Variants in ADGRL2 observed in about 807,000 individuals in gnomAD.
ADGRL2 encodes the protein adhesion G protein-coupled receptor L2.
ADGRL2 carries 44 observed loss-of-function variants against 157.4 expected under a neutral mutation model. The ratio of observed to expected loss-of-function variants is 0.28; its 90% confidence interval spans 0.22 to 0.36. ADGRL2 has a LOEUF of 0.36. ADGRL2 is among the 10% of genes least tolerant of loss of function. The pLI is 1.00. For missense variants in ADGRL2, 1,510 were observed against 1,768.9 expected (o/e 0.85, Z 2.63); for synonymous variants, 585 against 624.7 (o/e 0.94, Z 0.95).
chr1:81,499,714 A>C (rs941461716), intron 2 of ADGRL2, among the ~76,000 whole-genome samples: 1 of 152,186 alleles, frequency 6.6e-6, no homozygotes, highest in Non-Finnish European at 1.5e-5. Flanking sequence ...GCCCCAAAAC[A>C]AAAGCTTACC....
intron 1 of ADGRL2, among the ~76,000 whole-genome samples, chr1:81,747,064 GTGTATATA>G (rs1163242608): frequency 1.4e-5 from 2 of 145,576 alleles, no homozygotes; most frequent in African/African-American, 5.0e-5. Context: ...ATATACACAT[GTGTATATA>G]TGTATATATG....
At chr1:81,512,275 T>G (rs2079093719) in intron 2 of ADGRL2, among the ~76,000 whole-genome samples, 1 of 118,992 alleles carries the variant, frequency 8.4e-6, no homozygotes, top group Non-Finnish European at 1.5e-5. Context: ...AGGGAGACTA[T>G]GTGATGCAAA....
intron 8 of ADGRL2, 80 bp from the exon 9 acceptor site, chr1:81,951,877 C>T (rs1433119513): frequency 8.7e-7 from 1 of 1,149,454 alleles, no homozygotes; most frequent in Non-Finnish European, 1.2e-6. Flanking sequence ...TTTTTCACCA[C>T]AATAAAGATA....
chr1:81,452,781 T>C (rs2077726389), intron 2 of ADGRL2, among the ~76,000 whole-genome samples: 1 of 152,126 alleles, frequency 6.6e-6, no homozygotes, highest in Admixed American at 6.6e-5. Flanking sequence ...ATCAGTCGAG[T>C]AGGTTTTGCA....
At chr1:81,912,914 G>C (rs1008230869) in intron 3 of ADGRL2, among the ~76,000 whole-genome samples, 3 of 152,166 alleles carry the variant, frequency 2.0e-5, no homozygotes, top group African/African-American at 7.2e-5. Flanking sequence ...CATGGAGCCA[G>C]ATGATGAATA....
chr1:81,741,823 C>T (rs1194816962), intron 1 of ADGRL2, among the ~76,000 whole-genome samples: 1 of 151,712 alleles, frequency 6.6e-6, no homozygotes, highest in Non-Finnish European at 1.5e-5. Flanking sequence ...TTTTTTCCTA[C>T]TGTAATATAA....
At chr1:81,721,809 A>C in intron 1 of ADGRL2, 5 of 1,072,564 alleles carry the variant, frequency 4.7e-6, no homozygotes, top group Non-Finnish European at 7.1e-6. Context: ...GCAGGCGGTA[A>C]AGTACCACCT....
At chr1:81,486,646 G>A (rs1179607308) in intron 2 of ADGRL2, among the ~76,000 whole-genome samples, 1 of 152,070 alleles carries the variant, frequency 6.6e-6, no homozygotes, top group Non-Finnish European at 1.5e-5. Context: ...GAGTGAAACT[G>A]TGGATTCTGA....
At chr1:81,891,820 A>C (rs2094273493) in intron 2 of ADGRL2, among the ~76,000 whole-genome samples, 1 of 151,872 alleles carries the variant, frequency 6.6e-6, no homozygotes, top group Non-Finnish European at 1.5e-5. Context: ...ATTTATTGCT[A>C]TTTTGAGATC....
intron 2 of ADGRL2, among the ~76,000 whole-genome samples, chr1:81,564,293 A>G (rs898821429): frequency 8.5e-5 from 13 of 152,226 alleles, no homozygotes; most frequent in African/African-American, 3.1e-4. Flanking sequence ...TCTGTGGGTT[A>G]GGATTGGGCA....
At chr1:81,685,009 C>T (rs1370831623) in intron 3 of ADGRL2, among the ~76,000 whole-genome samples, 1 of 152,114 alleles carries the variant, frequency 6.6e-6, no homozygotes, top group Non-Finnish European at 1.5e-5. Flanking sequence ...TATTTTTATA[C>T]CTGTACCATG....
intron 1 of ADGRL2, among the ~76,000 whole-genome samples, chr1:81,343,080 C>CTTTT (rs1662196774): frequency 9.0e-6 from 1 of 111,350 alleles, no homozygotes; most frequent in African/African-American, 3.7e-5. Flanking sequence ...TTCTTTTTTT[C>CTTTT]TTTTTTCTTT....
At chr1:81,765,729 G>A (rs12028199) in intron 2 of ADGRL2, among the ~76,000 whole-genome samples, 22,904 of 151,822 alleles carry the variant, frequency 0.15, 2,557 homozygotes, top group East Asian at 0.54. Flanking sequence ...ATATATACAC[G>A]TCAATGAACA....
In ADGRL2 at chr1:81,898,822, T is replaced by C. The variant is rs182020707; in HGVS notation, c.74-8195T>C. Among the ~76,000 whole-genome samples, 7 of 152,332 alleles carry C rather than the reference T, an allele frequency of 4.6e-5. No homozygotes were observed. In the East Asian group the frequency reaches 7.7e-4, roughly 17 times the overall value. On this transcript the variant is annotated intron_variant, in intron 2 of 23. Coordinates refer to ENST00000686636, the MANE Select transcript of ADGRL2 (RefSeq NM_001366006.2). ...TTTCACTTCAGCCTGGTTGAAATCA[T>C]GTCCCCTCCTCCTTAAGTATTTTTC...
chr1:81,505,426 G>A (rs1256688641), intron 2 of ADGRL2, among the ~76,000 whole-genome samples: 1 of 150,796 alleles, frequency 6.6e-6, no homozygotes, highest in Non-Finnish European at 1.5e-5. Context: ...GAGGATGCAG[G>A]GAAAGCACAC....
intron 2 of ADGRL2, chr1:81,502,868 G>T (rs1318651872): frequency 2.5e-6 from 4 of 1,613,104 alleles, no homozygotes; most frequent in East Asian, 2.2e-5. Flanking sequence ...CCCAAGATCC[G>T]CTTTCCCATC....
At chr1:81,480,362 A>G (rs191489210) in intron 2 of ADGRL2, among the ~76,000 whole-genome samples, 39 of 152,312 alleles carry the variant, frequency 2.6e-4, no homozygotes, top group East Asian at 2.3e-3. Context: ...TTTCTTCTTT[A>G]TACCAAAAAT....
chr1:81,407,041 TG>T (rs1264880276), intron 1 of ADGRL2, among the ~76,000 whole-genome samples: 2 of 152,244 alleles, frequency 1.3e-5, no homozygotes, highest in African/African-American at 4.8e-5. Context: ...CTGGTGTCTC[TG>T]GAAGAAATGT....
intron 1 of ADGRL2, among the ~76,000 whole-genome samples, chr1:81,757,118 A>C (rs1313942983): frequency 6.6e-6 from 1 of 152,162 alleles, no homozygotes; most frequent in Admixed American, 6.6e-5. Context: ...TTGGCTAGTA[A>C]AAGCTTTTGT....
Sources: gnomAD v4.1 joint callset for allele counts (sites outside exome capture counted in the v4.1 genomes callset) on GRCh38, gnomAD v4.1.1 for gene constraint, MANE v1.5 for transcripts, NCBI Gene and HGNC (gene_info 2026-07-23, HGNC 2026-07-21) for gene names.